Variants in GPC6 observed in about 807,000 individuals in gnomAD.
The protein encoded by GPC6 is glypican-6.
Under a neutral mutation model 55.2 loss-of-function variants are expected in GPC6, and 14 were observed. The observed-to-expected ratio is 0.25, with a 90% CI of 0.17 to 0.40. GPC6 has a LOEUF of 0.40. GPC6 is among the 10% of genes least tolerant of loss of function. The pLI is 1.00. For synonymous variants in GPC6, 278 were observed against 259.6 expected (o/e 1.07, Z -0.68); for missense variants, 641 against 708.5 (o/e 0.90, Z 1.08).
At chr13:94,055,979 C>T (rs1884118765) in intron 4 of GPC6, among the ~76,000 whole-genome samples, 1 of 152,068 alleles carries the variant, frequency 6.6e-6, no homozygotes, top group Non-Finnish European at 1.5e-5. Context: ...ATCATAGCAC[C>T]ACCACCTAAC....
intron 4 of GPC6, among the ~76,000 whole-genome samples, chr13:94,188,245 A>G (rs1484947522): frequency 6.6e-6 from 1 of 152,176 alleles, no homozygotes; most frequent in Admixed American, 6.5e-5. Flanking sequence ...GCAGTGACAC[A>G]AAGAGGGGAG....
intron 1 of GPC6, among the ~76,000 whole-genome samples, chr13:93,497,441 G>C (rs977828993): frequency 2.0e-5 from 3 of 152,166 alleles, no homozygotes; most frequent in African/African-American, 7.2e-5. Flanking sequence ...ACTCAAAGAC[G>C]ATGAGGTCTG....
At position 93,868,776 on chromosome 13, in the gene GPC6, A is replaced by C. The variant is rs147342527; in HGVS notation, c.711+38231A>C. On this transcript the variant is annotated intron_variant, in intron 3 of 8. Transcript: ENST00000377047. Reference sequence around the variant, plus strand: ...CCAAACATAATCCAAGACAAAGAAAATGGATTGATGTCAGATTTTAACCTG... The same window carrying C: ...CCAAACATAATCCAAGACAAAGAAACTGGATTGATGTCAGATTTTAACCTG... Among the ~76,000 whole-genome samples, 31 of 151,964 alleles carry C rather than the reference A, an allele frequency of 2.0e-4. No individual in the cohort carries two copies. The East Asian group carries it at 3.7e-3, about 18-fold the overall frequency.
At chr13:93,719,560 T>G (rs1883377617) in intron 2 of GPC6, among the ~76,000 whole-genome samples, 1 of 152,062 alleles carries the variant, frequency 6.6e-6, no homozygotes, top group African/African-American at 2.4e-5. Flanking sequence ...CTCTTCATAT[T>G]TGAACATGCT....
chr13:93,760,326 G>A (rs184419235), intron 2 of GPC6, among the ~76,000 whole-genome samples: 1 of 152,292 alleles, frequency 6.6e-6, no homozygotes, highest in East Asian at 1.9e-4. Flanking sequence ...AGGCATCTTA[G>A]GGATTTTAAG....
chr13:94,373,399 G>C (rs188083733), intron 6 of GPC6, among the ~76,000 whole-genome samples: 5 of 152,014 alleles, frequency 3.3e-5, no homozygotes, highest in African/African-American at 4.8e-5. Flanking sequence ...ACCAAGGCTC[G>C]AGAACTACGT....
intron 1 of GPC6, among the ~76,000 whole-genome samples, chr13:93,509,816 T>G (rs1287886865): frequency 6.6e-6 from 1 of 152,210 alleles, no homozygotes; most frequent in African/African-American, 2.4e-5. Flanking sequence ...CTATTGCATT[T>G]TAATTTACTT....
In GPC6 at chr13:93,785,339, A is replaced by G. The variant is rs561098537; in HGVS notation, c.320-44815A>G. ...GTATAGTCTTTCAAAAACTTCTGTA[A>G]GTTTTGAAAATGGATCACATTGGCT... On this transcript the variant is annotated intron_variant, in intron 2 of 8. Transcript: ENST00000377047. Among the ~76,000 whole-genome samples the G allele has an allele frequency of 2.6e-5, 4 of 152,352 alleles. No individual in the cohort carries two copies. In the South Asian group the frequency reaches 8.3e-4, roughly 32 times the overall value.
chr13:94,376,731 C>T (rs1275598720), intron 6 of GPC6, among the ~76,000 whole-genome samples: 5 of 152,162 alleles, frequency 3.3e-5, no homozygotes, highest in Non-Finnish European at 4.4e-5. Context: ...AAAAAGAGCC[C>T]GCATCGCCAA....
intron 4 of GPC6, among the ~76,000 whole-genome samples, chr13:94,230,139 A>C (rs1890676536): frequency 6.6e-6 from 1 of 152,106 alleles, no homozygotes; most frequent in Non-Finnish European, 1.5e-5. Flanking sequence ...CTTTTTCCTC[A>C]TGGGGTCACT....
intron 4 of GPC6, among the ~76,000 whole-genome samples, chr13:94,193,458 G>A (rs975218130): frequency 6.6e-6 from 1 of 152,164 alleles, no homozygotes; most frequent in Non-Finnish European, 1.5e-5. Flanking sequence ...GAATGGTTTC[G>A]GCAAAAATAA....
intron 6 of GPC6, among the ~76,000 whole-genome samples, chr13:94,365,148 CT>C (rs1196397742): frequency 6.6e-6 from 1 of 152,196 alleles, no homozygotes; most frequent in Admixed American, 6.5e-5. Flanking sequence ...ATAGGCAAAT[CT>C]TTATGGTAGG....
chr13:93,357,660 A>T (rs1376033400), intron 1 of GPC6, among the ~76,000 whole-genome samples: 2 of 151,738 alleles, frequency 1.3e-5, no homozygotes, highest in Non-Finnish European at 2.9e-5. Context: ...GCAACATGAC[A>T]AAGACCCCAT....
intron 4 of GPC6, among the ~76,000 whole-genome samples, chr13:94,053,524 T>C (rs1314843023): frequency 6.6e-6 from 1 of 152,126 alleles, no homozygotes; most frequent in Non-Finnish European, 1.5e-5. Context: ...AAGGAAGAAA[T>C]AGAAGCTGCA....
In GPC6 at chr13:94,049,345, C is replaced by G. The variant is rs74111424; in HGVS notation, c.877+21451C>G. 8.4e-3 allele frequency among the ~76,000 whole-genome samples: 1,284 copies of G among 151,974 alleles called. 16 individuals carry two copies. Among genetic ancestry groups the G allele is most frequent in the African/African-American group, 0.029 (1,209 of 41,470 alleles). On this transcript the variant is annotated intron_variant, in intron 4 of 8. Transcript: ENST00000377047. ...CTAGCAGTGTTCTCCACATCAGGGACTGACTGATTCATAGTTATGAGCAAT... is the reference window on the plus strand; with the variant it reads ...CTAGCAGTGTTCTCCACATCAGGGAGTGACTGATTCATAGTTATGAGCAAT...
At chr13:93,988,656 A>G (rs1881145652) in intron 3 of GPC6, among the ~76,000 whole-genome samples, 1 of 152,128 alleles carries the variant, frequency 6.6e-6, no homozygotes, top group East Asian at 1.9e-4. Flanking sequence ...CTCTTTTACA[A>G]GGGCACTAAT....
At chr13:94,018,153 C>A (rs551321935) in intron 3 of GPC6, among the ~76,000 whole-genome samples, 4 of 152,042 alleles carry the variant, frequency 2.6e-5, no homozygotes, top group Admixed American at 2.6e-4. Context: ...CATTAAATTT[C>A]TTTTCTGCAT....
chr13:93,785,216 G>A (rs1044892071), intron 2 of GPC6, among the ~76,000 whole-genome samples: 17 of 152,050 alleles, frequency 1.1e-4, no homozygotes, highest in Non-Finnish European at 7.4e-5. Flanking sequence ...TATTTCAAAG[G>A]TTTTTGATTA....
chr13:94,175,819 A>C (rs1888729537), intron 4 of GPC6, among the ~76,000 whole-genome samples: 1 of 148,450 alleles, frequency 6.7e-6, no homozygotes, highest in Admixed American at 6.8e-5. Flanking sequence ...TATATCTTTT[A>C]TATAAATATA....
Sources: gnomAD v4.1 joint callset for allele counts (sites outside exome capture counted in the v4.1 genomes callset) on GRCh38, gnomAD v4.1.1 for gene constraint, MANE v1.5 for transcripts, NCBI Gene and HGNC (gene_info 2026-07-23, HGNC 2026-07-21) for gene names.